The following SCN3A variants were observed in gnomAD, a reference collection of about 807,000 sequenced individuals.
SCN3A encodes the protein sodium channel protein type 3 subunit alpha.
SCN3A carries 60 observed loss-of-function variants against 187.6 expected under a neutral mutation model. That is an observed-to-expected ratio of 0.32 (90% CI 0.26 to 0.40). The LOEUF is 0.40. Among genes scored for constraint, SCN3A ranks in the 10% least tolerant of loss-of-function variants. The pLI is 1.00. For synonymous variants in SCN3A, 788 were observed against 829.2 expected (o/e 0.95, Z 0.85); for missense variants, 1,601 against 2,428.2 (o/e 0.66, Z 7.16).
At chr2:165,115,415 C>A (rs1486295220) in intron 19 of SCN3A, 40 bp downstream of exon 19, 2 of 1,612,106 alleles carry the variant, frequency 1.2e-6, no homozygotes, top group Admixed American at 3.3e-5. Context: ...CCGTAAAGAA[C>A]AAGGGGAGAT....
chr2:165,155,624 C>T, intron 10 of SCN3A, 138 bp downstream of exon 10: 1 of 897,234 alleles, frequency 1.1e-6, no homozygotes, highest in Non-Finnish European at 1.7e-6. Flanking sequence ...GTCTCGAATT[C>T]CTGGACTCAA....
At chr2:165,146,282 A>G (rs1688314991) in intron 12 of SCN3A, among the ~76,000 whole-genome samples, 1 of 151,884 alleles carries the variant, frequency 6.6e-6, no homozygotes, top group African/African-American at 2.4e-5. Flanking sequence ...CCCATTCTCA[A>G]AGAAAATAAG....
intron 14 of SCN3A, 142 bp from the exon 15 acceptor site, chr2:165,138,259 A>C: frequency 1.5e-6 from 1 of 665,442 alleles, no homozygotes. Flanking sequence ...TGAGAAGACA[A>C]TCCCATTAAA....
intron 9 of SCN3A, among the ~76,000 whole-genome samples, chr2:165,161,137 C>CTTTTTTTTTTTT (rs61608647): frequency 4.4e-3 from 413 of 93,422 alleles, no homozygotes; most frequent in Non-Finnish European, 6.1e-3. Flanking sequence ...TTCTTTCTTT[C>CTTTTTTTTTTTT]TTTTTTTTTT....
chr2:165,183,709 GTC>G (rs1011634447), intron 2 of SCN3A, among the ~76,000 whole-genome samples: 3 of 152,122 alleles, frequency 2.0e-5, no homozygotes, highest in Non-Finnish European at 2.9e-5. Context: ...TATTAGTAGT[GTC>G]TCTCTTTCCC....
rs553125189 is a variant in SCN3A, at chr2:165,132,446, G to A, written c.2392-1029C>T. Among the ~76,000 whole-genome samples, 11 of 152,212 alleles carry A rather than the reference G, an allele frequency of 7.2e-5. No individual in the cohort carries two copies. The East Asian group carries it at 2.1e-3, about 29-fold the overall frequency. On this transcript the variant is annotated intron_variant, in intron 15 of 27. Coordinates refer to ENST00000283254, the MANE Select transcript of SCN3A (RefSeq NM_006922.4). ...ACCAAAACAGAGATATAGATCAATG[G>A]AACAGAACAGAGCCCTCAGAAATAA...
intron 1 of SCN3A, among the ~76,000 whole-genome samples, chr2:165,190,715 T>C (rs1477473643): frequency 1.3e-5 from 2 of 150,886 alleles, no homozygotes; most frequent in Non-Finnish European, 3.0e-5. Context: ...TTAGCATGAT[T>C]CTATACTTCT....
chr2:165,190,079 A>G (rs921162188), intron 1 of SCN3A, among the ~76,000 whole-genome samples: 1 of 152,144 alleles, frequency 6.6e-6, no homozygotes, highest in Non-Finnish European at 1.5e-5. Context: ...TGGCTTTTCA[A>G]CCTCTGTGAT....
chr2:165,121,442 AAAAG>A (rs1258701819), intron 18 of SCN3A, among the ~76,000 whole-genome samples: 2 of 152,242 alleles, frequency 1.3e-5, no homozygotes, highest in South Asian at 2.1e-4. Flanking sequence ...AGAAAAAAGA[AAAAG>A]AAATCAGATT....
chr2:165,091,573 A>T (rs1006654928), intron 27 of SCN3A, among the ~76,000 whole-genome samples: 1 of 152,188 alleles, frequency 6.6e-6, no homozygotes, highest in Admixed American at 6.5e-5. Context: ...ATAATCTCCA[A>T]TGGTAGCATG....
At position 165,127,769 on chromosome 2, in the gene SCN3A, G is replaced by A. The variant is rs757693494; in HGVS notation, c.3255C>T (p.Ile1085=). Residue 1085 remains isoleucine (I), a synonymous_variant, in exon 18 of 28, where the codon ATC becomes ATT. Coordinates refer to ENST00000283254, the MANE Select transcript of SCN3A (RefSeq NM_006922.4). ...TGAATGACATATAATCATTTTCATC[G>A]ATTACGTATTTTTCAACACTGCTTC... ...GTGSSVEKYV[I]DENDYMSFIN... The A allele has an allele frequency of 1.1e-5, 17 of 1,613,984 alleles. No individual in the cohort carries two copies. The highest frequency in any genetic ancestry group is 2.2e-5 in the South Asian group (2 of 91,086).
chr2:165,196,198 T>G (rs1691938321), intron 1 of SCN3A, among the ~76,000 whole-genome samples: 1 of 152,074 alleles, frequency 6.6e-6, no homozygotes, highest in South Asian at 2.1e-4. Flanking sequence ...TGGATTTTTT[T>G]TTTTAAATAA....
intron 4 of SCN3A, 112 bp from the exon 5 acceptor site, chr2:165,168,937 G>C (rs957855440): frequency 2.8e-6 from 2 of 716,074 alleles, no homozygotes; most frequent in Admixed American, 2.4e-5. Context: ...AATATTATTT[G>C]TTTTAAAACA....
intron 27 of SCN3A, chr2:165,091,885 C>A: frequency 3.0e-6 from 1 of 335,758 alleles, no homozygotes; most frequent in Non-Finnish European, 5.6e-6. Flanking sequence ...CTCATTCCAG[C>A]AGAGATGGCT....
At chr2:165,145,393 T>C (rs1185977041) in intron 12 of SCN3A, among the ~76,000 whole-genome samples, 4 of 152,250 alleles carry the variant, frequency 2.6e-5, no homozygotes, top group Non-Finnish European at 5.9e-5. Context: ...ACTGATTTGA[T>C]AATATATTTT....
At chr2:165,162,479 A>G in intron 8 of SCN3A, 77 bp downstream of exon 8, 1 of 1,600,910 alleles carries the variant, frequency 6.2e-7, no homozygotes, top group Non-Finnish European at 8.6e-7. Context: ...AGGTGGCTGT[A>G]CACCCACAGT....
intron 11 of SCN3A, among the ~76,000 whole-genome samples, chr2:165,150,989 A>C (rs888017782): frequency 2.0e-5 from 3 of 152,160 alleles, no homozygotes; most frequent in Non-Finnish European, 2.9e-5. Context: ...AAACTCTTAA[A>C]TAATTCAAAT....
Position 165,140,663 on chromosome 2 carries a change from T to C in SCN3A, c.2007A>G (p.Gln669=), listed in dbSNP as rs1687951318. ...GPSALTSPTG[Q]LPPEGTTTET... The stretch of plus-strand genomic sequence containing the variant: ...CATCTATTATCACCTCTGGGGGAAG[T>C]TGTCCAGTAGGTGACGTTAGAGCTG... The change falls in exon 13 of 28, where the codon CAA becomes CAG. Residue 669 remains glutamine (Q), a synonymous_variant. Transcript: ENST00000283254. The surrounding 1 kb of genome is among the most constrained non-coding windows in gnomAD (Gnocchi z 4.2). The C allele has an allele frequency of 1.2e-6, 2 of 1,613,866 alleles. No homozygotes were observed. The highest frequency in any genetic ancestry group is 1.3e-5 in the African/African-American group (1 of 74,910).
intron 21 of SCN3A, among the ~76,000 whole-genome samples, chr2:165,104,971 A>C (rs1294184692): frequency 6.6e-6 from 1 of 152,210 alleles, no homozygotes; most frequent in Non-Finnish European, 1.5e-5. Flanking sequence ...TGGAAAGCAC[A>C]GGAATAATTA....
Sources: allele counts gnomAD v4.1 joint callset (sites outside exome capture counted in the v4.1 genomes callset), GRCh38; gene constraint gnomAD v4.1.1; non-coding constraint Gnocchi (gnomAD v3.1); transcripts MANE v1.5; gene names NCBI Gene and HGNC (gene_info 2026-07-23, HGNC 2026-07-21).